Variants in TNFRSF14 observed in about 807,000 individuals in gnomAD.
TNFRSF14 encodes the protein tumor necrosis factor receptor superfamily member 14.
TNFRSF14 carries 18 observed loss-of-function variants against 34.1 expected under a neutral mutation model. That is an observed-to-expected ratio of 0.53 (90% CI 0.36 to 0.78). TNFRSF14 has a LOEUF of 0.78. Ranked by LOEUF, TNFRSF14 falls within the 30% of genes least tolerant of loss-of-function variation. The pLI, the probability that TNFRSF14 is intolerant of heterozygous loss-of-function variation, is 0.00. For synonymous variants in TNFRSF14, 157 were observed against 153.2 expected, an observed-to-expected ratio of 1.02 and a Z score of -0.18; for missense variants, 352 against 379.5, an observed-to-expected ratio of 0.93 and a Z score of 0.60.
rs748644070 is a variant in TNFRSF14, at chr1:2,563,236, C to A, written c.815C>A (p.Thr272Lys). 6.2e-7 allele frequency: 1 copy of A among 1,613,374 alleles called. No individual in the cohort carries two copies. Among genetic ancestry groups the A allele is most frequent in the African/African-American group, 1.3e-5 (1 of 74,928 alleles). ...GTCACCACGGTGGCCGTGGAGGAGA[C>A]AATACCCTCATTCACGGGGAGGAGC... The part of the protein sequence containing the change: ...PDVTTVAVEE[T>K]IPSFTGRSPN... Residue 272 changes from threonine (T) to lysine (K), a missense_variant, in exon 8 of 8, where the codon ACA becomes AAA. Coordinates refer to ENST00000355716, the MANE Select transcript of TNFRSF14 (RefSeq NM_003820.4).
chr1:2,557,524 G>A (rs1441032242), intron 1 of TNFRSF14, among the ~76,000 whole-genome samples: 2 of 152,260 alleles, frequency 1.3e-5, no homozygotes, highest in Admixed American at 1.3e-4. Context: ...GGCTGGAGGA[G>A]GGGCGGTCCC....
Position 2,561,874 on chromosome 1 carries a change from T to C in TNFRSF14, c.694+59T>C, listed in dbSNP as rs1423199072. 6.4e-7 allele frequency: 1 copy of C among 1,555,728 alleles called. No individual in the cohort carries two copies. The highest frequency in any genetic ancestry group is 8.8e-7 in the Non-Finnish European group (1 of 1,141,234). ...CCCCAGCCGTCACCTCTTGGAGCTCTGTCACCCCAAGCCTGGGAGGTGGCC... is the reference window on the plus strand; with the variant it reads ...CCCCAGCCGTCACCTCTTGGAGCTCCGTCACCCCAAGCCTGGGAGGTGGCC... On this transcript the variant is annotated intron_variant, in intron 6 of 7. Transcript: ENST00000355716. The surrounding 1 kb of genome is among the most constrained non-coding windows in gnomAD (Gnocchi z 6.0).
rs1409871079 is a variant in TNFRSF14, at chr1:2,556,500, C to T, written c.-165C>T. 8 of 762,202 alleles carry T rather than the reference C, an allele frequency of 1.0e-5. No homozygotes were observed. Among genetic ancestry groups the T allele is most frequent in the African/African-American group, 1.7e-5 (1 of 58,230 alleles). 47.2% of individuals were successfully genotyped at this position (762,202 alleles called of 1,614,324 possible). A position where few individuals can be genotyped will look rare whatever the true frequency, so the allele number is the denominator to read the frequency against. On this transcript the variant is annotated 5_prime_UTR_variant, in exon 1 of 8. Transcript: ENST00000355716. Reference sequence around the variant, plus strand: ...GCTGCCAGACACCCCCTGCTGCCCACTCTCCTGCTGCTCGGGTTCTGAGGC... The same window carrying T: ...GCTGCCAGACACCCCCTGCTGCCCATTCTCCTGCTGCTCGGGTTCTGAGGC...
rs759582437 is a variant in TNFRSF14 at position 2,561,606 on chromosome 1, C to T, written c.552-67C>T. ...TGGGGCCCTGGGAGCCAGGGAGGCT[C>T]CCTGAGGCTGAGTGAACACTGGGCG... On this transcript the variant is annotated intron_variant, in intron 5 of 7. Coordinates refer to ENST00000355716, the MANE Select transcript of TNFRSF14 (RefSeq NM_003820.4). This position sits in a 1 kb window ranked among gnomAD's most constrained non-coding sequence, Gnocchi z 6.0. The T allele has an allele frequency of 1.2e-6, 2 of 1,607,318 alleles. No individual in the cohort carries two copies. The highest frequency in any genetic ancestry group is 1.7e-6 in the Non-Finnish European group (2 of 1,177,196).
chr1:2,556,375 C>T lies in TNFRSF14; in HGVS notation c.-290C>T, dbSNP rs540327125. 2.7e-5 allele frequency: 18 copies of T among 661,050 alleles called. No homozygotes were observed. Among genetic ancestry groups the T allele is most frequent in the South Asian group, 9.1e-5 (6 of 66,296 alleles). The allele number at this position is 661,050 out of a possible 1,614,324, so 40.9% of individuals were successfully genotyped here. ...CTCCCATCGGGCGCCTCCTTCATAC[C>T]GGCCCTTCCCCTCGGCTTTGCCTGG... On this transcript the variant is annotated 5_prime_UTR_variant, in exon 1 of 8. Coordinates refer to ENST00000355716, the MANE Select transcript of TNFRSF14 (RefSeq NM_003820.4).
chr1:2,557,984 C>T, intron 2 of TNFRSF14, 150 bp downstream of exon 2: 1 of 705,186 alleles, frequency 1.4e-6, no homozygotes, highest in Non-Finnish European at 2.3e-6. Flanking sequence ...GAGGGCAGAA[C>T]CCCCAGGCCA....
chr1:2,556,430 G>T lies in TNFRSF14; in HGVS notation c.-235G>T. ...CTCCTGCCTCCCGCAGGGCCCACCT[G>T]TGTCCCCCAGCGCCGCTCCACCCAG... On this transcript the variant is annotated 5_prime_UTR_variant, in exon 1 of 8. Coordinates refer to ENST00000355716, the MANE Select transcript of TNFRSF14 (RefSeq NM_003820.4). 1.4e-6 allele frequency: 1 copy of T among 695,564 alleles called. No homozygotes were observed. The highest frequency in any genetic ancestry group is 2.7e-5 in the East Asian group (1 of 36,900). 43.1% of individuals were successfully genotyped at this position (695,564 alleles called of 1,614,324 possible). A position where few individuals can be genotyped will look rare whatever the true frequency, so the allele number is the denominator to read the frequency against.
In TNFRSF14 at chr1:2,563,469, C is replaced by T; in HGVS notation, c.*196C>T. On this transcript the variant is annotated 3_prime_UTR_variant, in exon 8 of 8. Transcript: ENST00000355716. Reference sequence around the variant, plus strand: ...GGACGCCACGTGCCATTCCCATGGGCCAGTGAGGGCCTGGGGCCTCTGTTC... The same window carrying T: ...GGACGCCACGTGCCATTCCCATGGGTCAGTGAGGGCCTGGGGCCTCTGTTC... 1.2e-6 allele frequency: 1 copy of T among 802,720 alleles called. No individual in the cohort carries two copies. Among genetic ancestry groups the T allele is most frequent in the Non-Finnish European group, 1.9e-6 (1 of 525,042 alleles). 49.7% of individuals were successfully genotyped at this position (802,720 alleles called of 1,614,324 possible).
chr1:2,556,391 C>CT lies in TNFRSF14; in HGVS notation c.-271dup, dbSNP rs1251890765. On this transcript the variant is annotated 5_prime_UTR_variant, in exon 1 of 8. Coordinates refer to ENST00000355716, the MANE Select transcript of TNFRSF14 (RefSeq NM_003820.4). The stretch of plus-strand genomic sequence containing the variant: ...CCTTCATACCGGCCCTTCCCCTCGG[C>CT]TTTGCCTGGACAGCTCCTGCCTCCC... 1.5e-6 allele frequency: 1 copy of CT among 676,176 alleles called. No homozygotes were observed. The highest frequency in any genetic ancestry group is 2.7e-6 in the Non-Finnish European group (1 of 368,470). 41.9% of individuals were successfully genotyped at this position (676,176 alleles called of 1,614,324 possible). A position where few individuals can be genotyped will look rare whatever the true frequency, so the allele number is the denominator to read the frequency against.
At chr1:2,562,926 C>G in intron 7 of TNFRSF14, 30 bp downstream of exon 7, 6 of 1,599,318 alleles carry the variant, frequency 3.8e-6, no homozygotes, top group Non-Finnish European at 4.3e-6. Context: ...TCTCCCTCCC[C>G]CCTCCACCTT....
At position 2,561,669 on chromosome 1, in the gene TNFRSF14, G is replaced by A. The variant is rs376552840; in HGVS notation, c.552-4G>A. ...CTCCCACGTCCTCGGCCCCACTCCC[G>A]CAGGTGCAGCTGGCTGGTGACGAAG... is the stretch of plus-strand genomic sequence containing the variant. On this transcript the variant is annotated splice_region_variant and splice_polypyrimidine_tract_variant and intron_variant, in intron 5 of 7. Transcript: ENST00000355716. The surrounding 1 kb of genome is among the most constrained non-coding windows in gnomAD (Gnocchi z 6.0). The A allele has an allele frequency of 5.5e-5, 89 of 1,612,870 alleles. No individual in the cohort carries two copies. The highest frequency in any genetic ancestry group is 2.1e-4 in the South Asian group (19 of 91,066).
rs753699585 is a variant in TNFRSF14 at position 2,563,130 on chromosome 1, C to A, written c.727-18C>A. On this transcript the variant is annotated intron_variant, in intron 7 of 7. Coordinates refer to ENST00000355716, the MANE Select transcript of TNFRSF14 (RefSeq NM_003820.4). Reference sequence around the variant, plus strand: ...GGGGCCTGAGCAGGCAGGGTCTCCACGATTCGTGTGCTCACAGCGGAAAAG... The same window carrying A: ...GGGGCCTGAGCAGGCAGGGTCTCCAAGATTCGTGTGCTCACAGCGGAAAAG... 5.0e-6 allele frequency: 8 copies of A among 1,612,858 alleles called. No homozygotes were observed. The Admixed American group carries it at 8.3e-5, about 17-fold the overall frequency.
rs1399842668 is a variant in TNFRSF14, at chr1:2,561,583, G to A, written c.552-90G>A. 8.8e-6 allele frequency: 14 copies of A among 1,598,866 alleles called. No individual in the cohort carries two copies. Among genetic ancestry groups the A allele is most frequent in the African/African-American group, 4.0e-5 (3 of 74,462 alleles). On this transcript the variant is annotated intron_variant, in intron 5 of 7. Transcript: ENST00000355716. The surrounding 1 kb of genome is among the most constrained non-coding windows in gnomAD (Gnocchi z 6.0). ...CCCTGGGACCTGTCTTCACTGCCTG[G>A]GGCCCTGGGAGCCAGGGAGGCTCCC...
chr1:2,559,803 C>A lies in TNFRSF14; in HGVS notation c.305-20C>A. On this transcript the variant is annotated intron_variant, in intron 3 of 7. Coordinates refer to ENST00000355716, the MANE Select transcript of TNFRSF14 (RefSeq NM_003820.4). ...CCCGGCCTCCACGTACCCCTCTCAG[C>A]CCCTCCTCTTGGACTCCAGCCATGG... 6.2e-7 allele frequency: 1 copy of A among 1,601,144 alleles called. No homozygotes were observed.
Position 2,561,262 on chromosome 1 carries a change from G to T in TNFRSF14, c.552-411G>T. ...CCTTCCATCCTGCTCTGCCCTCCTC[G>T]TCCTCTGGCCCCAGCTCAGTCCTGT... is the stretch of plus-strand genomic sequence containing the variant. On this transcript the variant is annotated intron_variant, in intron 5 of 7. Transcript: ENST00000355716. This position sits in a 1 kb window ranked among gnomAD's most constrained non-coding sequence, Gnocchi z 6.0. 1 of 496,832 alleles carries T rather than the reference G, an allele frequency of 2.0e-6. No individual in the cohort carries two copies. Among genetic ancestry groups the T allele is most frequent in the Non-Finnish European group, 3.6e-6 (1 of 281,022 alleles). The allele number at this position is 496,832 out of a possible 1,614,324, so 30.8% of individuals were successfully genotyped here.
intron 3 of TNFRSF14, chr1:2,559,153 G>T: frequency 2.2e-6 from 3 of 1,364,730 alleles, no homozygotes; most frequent in Non-Finnish European, 2.9e-6. Flanking sequence ...GGAGGCACAG[G>T]GCAGGTGGGC....
At chr1:2,559,459 C>T (rs2257763) in intron 3 of TNFRSF14, 1,951 of 1,411,598 alleles carry the variant, frequency 1.4e-3, no homozygotes, top group Non-Finnish European at 1.6e-3. Flanking sequence ...AACCCGTTTG[C>T]GGGGTGGGTG....
At position 2,561,796 on chromosome 1, in the gene TNFRSF14, G is replaced by GA; in HGVS notation, c.679dup (p.Arg227LysfsTer7). 1.2e-6 allele frequency: 2 copies of GA among 1,613,826 alleles called. No homozygotes were observed. The highest frequency in any genetic ancestry group is 1.7e-6 in the Non-Finnish European group (2 of 1,179,960). ...CCACAGTTGGCCTAATCATATGTGT[G>GA]AAAAGAAGAAAGCCAAGGGGTGAGC... On this transcript the variant is annotated frameshift_variant, in exon 6 of 8. Transcript: ENST00000355716. LOFTEE classifies it low-confidence loss of function (END_TRUNC). This position sits in a 1 kb window ranked among gnomAD's most constrained non-coding sequence, Gnocchi z 6.0.
intron 4 of TNFRSF14, among the ~76,000 whole-genome samples, chr1:2,560,246 G>A (rs565994341): frequency 6.6e-5 from 10 of 152,242 alleles, no homozygotes; most frequent in African/African-American, 1.9e-4. Context: ...CCCAGGCCTC[G>A]CTCTCGGGCC....
Sources: allele counts gnomAD v4.1 joint callset (sites outside exome capture counted in the v4.1 genomes callset), GRCh38; gene constraint gnomAD v4.1.1; non-coding constraint Gnocchi (gnomAD v3.1); transcripts MANE v1.5; gene names NCBI Gene and HGNC (gene_info 2026-07-23, HGNC 2026-07-21).